The following CHD2 variants were observed in gnomAD, a reference collection of about 807,000 sequenced individuals.
CHD2 encodes ATP-dependent chromatin remodeler CHD2.
Under a neutral mutation model 243.9 loss-of-function variants are expected in CHD2, and 28 were observed. That is an observed-to-expected ratio of 0.11 (90% CI 0.09 to 0.16). CHD2 has a LOEUF of 0.16. Ranked by LOEUF, CHD2 falls within the 10% of genes least tolerant of loss-of-function variation. The pLI, the probability that CHD2 is intolerant of heterozygous loss-of-function variation, is 1.00. For missense variants in CHD2, 1,386 were observed against 2,209.8 expected, an observed-to-expected ratio of 0.63 and a Z score of 7.47; for synonymous variants, 775 against 779.0, an observed-to-expected ratio of 0.99 and a Z score of 0.09.
intron 2 of CHD2, chr15:92,904,572 C>T (rs1336328243): frequency 9.8e-6 from 10 of 1,020,036 alleles, no homozygotes; most frequent in African/African-American, 1.7e-5. Flanking sequence ...CAGTCTTGTC[C>T]GCCCTTGCCT....
At chr15:92,992,597 GTTTC>G (rs2054134210) in intron 27 of CHD2, among the ~76,000 whole-genome samples, 1 of 152,102 alleles carries the variant, frequency 6.6e-6, no homozygotes, top group Non-Finnish European at 1.5e-5. Context: ...TGCTTTGCTT[GTTTC>G]TTTCTTTCCT....
At chr15:92,958,077 T>C (rs1038251875) in intron 16 of CHD2, among the ~76,000 whole-genome samples, 4 of 152,218 alleles carry the variant, frequency 2.6e-5, no homozygotes, top group African/African-American at 9.6e-5. Context: ...GGGGTTATTA[T>C]ATCTTTGTGT....
chr15:92,988,172 TC>T (rs2054069626), intron 26 of CHD2, among the ~76,000 whole-genome samples: 1 of 152,040 alleles, frequency 6.6e-6, no homozygotes, highest in Non-Finnish European at 1.5e-5. Context: ...AACCTCCACT[TC>T]CCAGGTTCAA....
At chr15:93,005,207 C>T (rs2054305205) in intron 34 of CHD2, among the ~76,000 whole-genome samples, 1 of 152,086 alleles carries the variant, frequency 6.6e-6, no homozygotes, top group Admixed American at 6.6e-5. Context: ...AGAGAGAGTG[C>T]ATACTGTGGA....
At chr15:92,967,284 C>T in intron 16 of CHD2, 41 bp from the exon 17 acceptor site, 12 of 1,371,076 alleles carry the variant, frequency 8.8e-6, no homozygotes, top group East Asian at 5.0e-5. Flanking sequence ...TTCTTCTTTT[C>T]CTCAATGTGG....
chr15:93,002,189 G>A lies in CHD2; in HGVS notation c.4150G>A (p.Glu1384Lys). 8 of 1,585,576 alleles carry A rather than the reference G, an allele frequency of 5.0e-6. No individual in the cohort carries two copies. The highest frequency in any genetic ancestry group is 6.8e-6 in the Non-Finnish European group (8 of 1,171,850). The change falls in exon 33 of 39, where the codon GAA (glutamate) becomes AAA (lysine). Residue 1384 changes from glutamate (E) to lysine (K), a missense_variant. Glu to Lys is a moderately conservative substitution (Grantham distance 56). Around this residue, in one of 19 missense-constraint regions of CHD2, gnomAD observed 125 missense variants for 128.9 expected, o/e 0.97. Transcript: ENST00000394196. ...TTTTGTTTCCTAGGATGATGGCTTGGAAAAAAGTCCAATGAAAAAAAAACA... is the reference window on the plus strand; with the variant it reads ...TTTTGTTTCCTAGGATGATGGCTTGAAAAAAAGTCCAATGAAAAAAAAACA... ...EEGEVKDDGLEKSPMKKKQKK... is the reference protein window; with the variant it reads ...EEGEVKDDGLKKSPMKKKQKK...
intron 12 of CHD2, 146 bp from the exon 13 acceptor site, chr15:92,948,806 T>C (rs1474078363): frequency 1.9e-5 from 16 of 844,808 alleles, no homozygotes; most frequent in Non-Finnish European, 1.8e-5. Flanking sequence ...GCCACTGCAC[T>C]CCAGCCTGGG....
chr15:92,948,825 C>G, intron 12 of CHD2, 127 bp from the exon 13 acceptor site: 1 of 1,042,424 alleles, frequency 9.6e-7, no homozygotes, highest in Non-Finnish European at 1.4e-6. Flanking sequence ...GGTGACAGAG[C>G]AAGACTCCGT....
chr15:92,935,038 C>CTTTCT (rs2053239747), intron 5 of CHD2, among the ~76,000 whole-genome samples: 2 of 138,694 alleles, frequency 1.4e-5, no homozygotes, highest in Non-Finnish European at 3.1e-5. Flanking sequence ...TTCTTTCTTT[C>CTTTCT]TTTTTTTTTT....
At position 92,905,038 on chromosome 15, in the gene CHD2, A is replaced by G. The variant is rs373335239; in HGVS notation, c.62+3739A>G. The G allele has an allele frequency of 1.6e-5, 24 of 1,513,742 alleles. No individual in the cohort carries two copies. The East Asian group carries it at 5.2e-4, about 32-fold the overall frequency. The allele number at this position is 1,513,742 out of a possible 1,614,324, so 93.8% of individuals were successfully genotyped here. On this transcript the variant is annotated intron_variant, in intron 2 of 38. Coordinates refer to ENST00000394196, the MANE Select transcript of CHD2 (RefSeq NM_001271.4). ...GTATGTGCTAAGTACTATATATTTA[A>G]GATTCACAGTGGGATAGTTTAGTAG...
At chr15:93,022,832 G>T (rs890909739) in intron 38 of CHD2, among the ~76,000 whole-genome samples, 29 of 152,146 alleles carry the variant, frequency 1.9e-4, no homozygotes, top group Non-Finnish European at 3.8e-4. Context: ...GCCGTTAAAA[G>T]GCTCATTTCA....
chr15:92,911,098 T>C (rs908160214), intron 2 of CHD2, among the ~76,000 whole-genome samples: 2 of 152,244 alleles, frequency 1.3e-5, no homozygotes, highest in Non-Finnish European at 2.9e-5. Flanking sequence ...AACTTCCTTA[T>C]GTGGTGCATG....
Position 92,998,133 on chromosome 15 carries a change from C to G in CHD2, c.3886-366C>G. 4.0e-6 allele frequency: 4 copies of G among 997,246 alleles called. No homozygotes were observed. The highest frequency in any genetic ancestry group is 4.8e-6 in the Non-Finnish European group (4 of 833,040). The allele number at this position is 997,246 out of a possible 1,614,324, so 61.8% of individuals were successfully genotyped here. A position where few individuals can be genotyped will look rare whatever the true frequency, so the allele number is the denominator to read the frequency against. ...TCTAAGAAGCATTTTCAATCTAAAA[C>G]GAAGCTTTAACCTAGCTCCAGGGAT... On this transcript the variant is annotated intron_variant, in intron 30 of 38. Transcript: ENST00000394196. This position sits in a 1 kb window ranked among gnomAD's most constrained non-coding sequence, Gnocchi z 5.1.
At chr15:93,020,306 T>C in intron 38 of CHD2, 48 bp downstream of exon 38, 1 of 1,611,942 alleles carries the variant, frequency 6.2e-7, no homozygotes, top group Non-Finnish European at 8.5e-7. Flanking sequence ...TGCCAGGAGC[T>C]GTTTCTAGGG....
At chr15:92,971,386 TACAC>T (rs903038877) in intron 17 of CHD2, among the ~76,000 whole-genome samples, 2 of 152,132 alleles carry the variant, frequency 1.3e-5, no homozygotes, top group Non-Finnish European at 2.9e-5. Context: ...AGCCTTTGTG[TACAC>T]ACACACACTT....
intron 37 of CHD2, among the ~76,000 whole-genome samples, chr15:93,016,870 G>A (rs2054469108): frequency 6.6e-6 from 1 of 151,308 alleles, no homozygotes; most frequent in Admixed American, 6.6e-5. Flanking sequence ...AAAAAACTCT[G>A]TGGAGCTTAT....
At chr15:92,947,257 T>G (rs979734848) in intron 12 of CHD2, 1 of 152,220 alleles carries the variant, frequency 6.6e-6, no homozygotes, top group Non-Finnish European at 1.5e-5. Context: ...CAGTGGTCAT[T>G]GAATGGGTTT....
chr15:92,947,043 C>T (rs2053480793), intron 12 of CHD2: 1 of 152,054 alleles, frequency 6.6e-6, no homozygotes, highest in Non-Finnish European at 1.5e-5. Flanking sequence ...TGAATAAATC[C>T]TTTCCTTGGA....
At chr15:92,975,206 T>C (rs2053891429) in intron 20 of CHD2, among the ~76,000 whole-genome samples, 1 of 152,132 alleles carries the variant, frequency 6.6e-6, no homozygotes, top group Non-Finnish European at 1.5e-5. Flanking sequence ...TACCAAATCC[T>C]TGGGCGTGGA....
Sources: gnomAD v4.1 joint callset for allele counts (sites outside exome capture counted in the v4.1 genomes callset) on GRCh38, gnomAD v4.1.1 for gene constraint, gnomAD v4.1.1 regional missense constraint, Gnocchi (gnomAD v3.1) non-coding constraint, MANE v1.5 for transcripts, NCBI Gene and HGNC (gene_info 2026-07-23, HGNC 2026-07-21) for gene names.